The following MYMK variants were observed in gnomAD, a reference collection of about 807,000 sequenced individuals.
The protein encoded by MYMK is myomaker, myoblast fusion factor.
MYMK carries 16 observed loss-of-function variants against 22.4 expected under a neutral mutation model. The ratio of observed to expected loss-of-function variants is 0.72; its 90% confidence interval spans 0.48 to 1.09. The LOEUF (loss-of-function observed/expected upper bound fraction) is 1.09, where lower values mean the gene tolerates loss of function less well. Ranked by LOEUF, MYMK falls within the 50% of genes least tolerant of loss-of-function variation. The pLI is 0.00. For missense variants in MYMK, 250 were observed against 295.6 expected (o/e 0.85, Z 1.13); for synonymous variants, 125 against 127.0 (o/e 0.98, Z 0.11).
At chr9:133,520,944 T>C (rs1412333644) in intron 1 of MYMK, among the ~76,000 whole-genome samples, 2 of 152,124 alleles carry the variant, frequency 1.3e-5, no homozygotes, top group Non-Finnish European at 2.9e-5. Context: ...AAAATGTGCA[T>C]TTTGAACACA....
rs1220399027 is a variant in MYMK, at chr9:133,515,288, C to G, written c.516+203G>C. Among the ~76,000 whole-genome samples the G allele has an allele frequency of 6.6e-6, 1 of 152,186 alleles. No homozygotes were observed. Among genetic ancestry groups the G allele is most frequent in the African/African-American group, 2.4e-5 (1 of 41,440 alleles). ...GGTCTCTGTGACCTCCAGGTCCACA[C>G]AGGCCATGGTGCTGGTGGTGCTGGG... On this transcript the variant is annotated intron_variant, in intron 4 of 4. Transcript: ENST00000339996. The surrounding 1 kb of genome is among the most constrained non-coding windows in gnomAD (Gnocchi z 5.8).
At chr9:133,518,645 G>A (rs909007884) in intron 3 of MYMK, among the ~76,000 whole-genome samples, 8 of 152,186 alleles carry the variant, frequency 5.3e-5, no homozygotes, top group African/African-American at 1.9e-4. Context: ...GAGACATTGG[G>A]TAACTTGGGC....
In MYMK at chr9:133,515,424, C is replaced by T; in HGVS notation, c.516+67G>A. 8.8e-7 allele frequency: 1 copy of T among 1,138,694 alleles called. No homozygotes were observed. Among genetic ancestry groups the T allele is most frequent in the Non-Finnish European group, 1.3e-6 (1 of 761,956 alleles). 70.5% of individuals were successfully genotyped at this position (1,138,694 alleles called of 1,614,324 possible). A position where few individuals can be genotyped will look rare whatever the true frequency, so the allele number is the denominator to read the frequency against. ...CCCAGCGTGGGCACAGCCCTGGTAT[C>T]CCAGCTGAGCAGAGCCATGCCGAGT... On this transcript the variant is annotated intron_variant, in intron 4 of 4. Transcript: ENST00000339996. The surrounding 1 kb of genome is among the most constrained non-coding windows in gnomAD (Gnocchi z 5.8).
rs149445183 is a variant in MYMK at position 133,515,521 on chromosome 9, C to T, written c.486G>A (p.Ala162=). 103 of 1,612,830 alleles carry T rather than the reference C, an allele frequency of 6.4e-5. No homozygotes were observed. Among genetic ancestry groups the T allele is most frequent in the Non-Finnish European group, 8.0e-5 (94 of 1,178,948 alleles). Reference sequence around the variant, plus strand: ...AGAAGAAGCGTAGCATCAGGGCCAGCGCCCCGAAGCAGAGGCCGGGGCCTA... The same window carrying T: ...AGAAGAAGCGTAGCATCAGGGCCAGTGCCCCGAAGCAGAGGCCGGGGCCTA... ...QQIGPGLCFG[A]LALMLRFFFE... Residue 162 remains alanine (A), a synonymous_variant, in exon 4 of 5, where the codon GCG becomes GCA. Coordinates refer to ENST00000339996, the MANE Select transcript of MYMK (RefSeq NM_001080483.3). This position sits in a 1 kb window ranked among gnomAD's most constrained non-coding sequence, Gnocchi z 5.8.
In MYMK at chr9:133,518,954, G is replaced by A. The variant is rs756238583; in HGVS notation, c.319C>T (p.Arg107Trp). 1.1e-5 allele frequency: 18 copies of A among 1,613,868 alleles called. No individual in the cohort carries two copies. Among genetic ancestry groups the A allele is most frequent in the African/African-American group, 9.3e-5 (7 of 74,916 alleles). The change falls in exon 3 of 5, where the codon CGG becomes TGG. Residue 107 changes from arginine to tryptophan, a missense_variant. Arg to Trp is a moderately radical substitution (Grantham distance 101). Transcript: ENST00000339996. ...VMFGVLTIAV[R>W]IYHDRWGYGV... is the part of the protein sequence containing the mutation. ...TAGCCCCATCGGTCATGGTAGATCC[G>A]CACAGCAATGGTCAGGACGCCGAAC...
intron 1 of MYMK, among the ~76,000 whole-genome samples, chr9:133,522,343 C>CG (rs35248143): frequency 0.22 from 30,272 of 139,414 alleles, 3,418 homozygotes; most frequent in East Asian, 0.29. Context: ...GAGTGGCTGT[C>CG]GGGGGGGGGC....
chr9:133,515,484 T>C lies in MYMK; in HGVS notation c.516+7A>G. The C allele has an allele frequency of 6.3e-7, 1 of 1,596,738 alleles. No individual in the cohort carries two copies. Among genetic ancestry groups the C allele is most frequent in the Non-Finnish European group, 8.6e-7 (1 of 1,164,528 alleles). Reference sequence around the variant, plus strand: ...GGCACAGGACACCTCCCCGCTGGGCTTGGTACCTCAAAGAAGAAGCGTAGC... The same window carrying C: ...GGCACAGGACACCTCCCCGCTGGGCCTGGTACCTCAAAGAAGAAGCGTAGC... On this transcript the variant is annotated splice_region_variant and intron_variant, in intron 4 of 4. Transcript: ENST00000339996. The surrounding 1 kb of genome is among the most constrained non-coding windows in gnomAD (Gnocchi z 5.8).
intron 1 of MYMK, among the ~76,000 whole-genome samples, 193 bp from the exon 2 acceptor site, chr9:133,520,481 G>A (rs1327076085): frequency 6.6e-6 from 1 of 152,234 alleles, no homozygotes; most frequent in East Asian, 1.9e-4. Context: ...GGTCCTGTGG[G>A]GATTAAGTGG....
intron 1 of MYMK, among the ~76,000 whole-genome samples, chr9:133,523,597 G>A (rs779245913): frequency 6.6e-6 from 1 of 152,010 alleles, no homozygotes; most frequent in Non-Finnish European, 1.5e-5. Context: ...AGGGGGTACC[G>A]AGACATATAA....
Position 133,515,207 on chromosome 9 carries a change from G to A in MYMK, c.516+284C>T, listed in dbSNP as rs542333994. On this transcript the variant is annotated intron_variant, in intron 4 of 4. Transcript: ENST00000339996. The surrounding 1 kb of genome is among the most constrained non-coding windows in gnomAD (Gnocchi z 5.8). ...CAGGTGTTGGGCACCTGCCCCAGGC[G>A]TCTCCCAGGCTGTGCTGCCGTCTGA... 1.4e-5 allele frequency among the ~76,000 whole-genome samples: 2 copies of A among 141,738 alleles called. No individual in the cohort carries two copies. Among genetic ancestry groups the A allele is most frequent in the South Asian group, 2.6e-4 (1 of 3,822 alleles). 93.0% of individuals were successfully genotyped at this position (141,738 alleles called of 152,430 possible).
intron 3 of MYMK, 98 bp downstream of exon 3, chr9:133,518,776 G>A: frequency 6.8e-7 from 1 of 1,479,056 alleles, no homozygotes; most frequent in South Asian, 1.3e-5. Context: ...GCCTATGAGG[G>A]CAGGAGGTAA....
At chr9:133,520,697 C>A (rs1175141613) in intron 1 of MYMK, among the ~76,000 whole-genome samples, 1 of 152,208 alleles carries the variant, frequency 6.6e-6, no homozygotes, top group Non-Finnish European at 1.5e-5. Flanking sequence ...TTGAAGCACA[C>A]AGCTGCGTGT....
intron 4 of MYMK, 86 bp from the exon 5 acceptor site, chr9:133,514,871 C>T: frequency 2.1e-6 from 3 of 1,447,354 alleles, no homozygotes; most frequent in South Asian, 2.7e-5. Context: ...CCCCTTCAGG[C>T]CCCCGCCTCT....
intron 3 of MYMK, among the ~76,000 whole-genome samples, chr9:133,517,929 G>T (rs1844651389): frequency 6.6e-6 from 1 of 152,236 alleles, no homozygotes; most frequent in South Asian, 2.1e-4. Flanking sequence ...GGCCGGGGCT[G>T]GCAGTGTGGC....
chr9:133,515,744 C>T lies in MYMK; in HGVS notation c.400-137G>A. ...GGCAGGAGAGGAGGCTCAGGAGCCTCCTGCCGCACCCAGCCTCAGATGGCT... is the reference window on the plus strand; with the variant it reads ...GGCAGGAGAGGAGGCTCAGGAGCCTTCTGCCGCACCCAGCCTCAGATGGCT... On this transcript the variant is annotated intron_variant, in intron 3 of 4. Transcript: ENST00000339996. This position sits in a 1 kb window ranked among gnomAD's most constrained non-coding sequence, Gnocchi z 5.8. 1.6e-6 allele frequency: 1 copy of T among 617,940 alleles called. No individual in the cohort carries two copies. Among genetic ancestry groups the T allele is most frequent in the Non-Finnish European group, 2.9e-6 (1 of 346,044 alleles). 38.3% of individuals were successfully genotyped at this position (617,940 alleles called of 1,614,324 possible).
intron 3 of MYMK, among the ~76,000 whole-genome samples, chr9:133,518,060 C>A (rs1460158520): frequency 6.6e-6 from 1 of 152,236 alleles, no homozygotes; most frequent in East Asian, 1.9e-4. Flanking sequence ...CTGCTGCAGG[C>A]CTGGAGAGCA....
At chr9:133,518,732 C>T (rs368794420) in intron 3 of MYMK, 142 bp downstream of exon 3, 65 of 1,081,066 alleles carry the variant, frequency 6.0e-5, no homozygotes, top group Admixed American at 3.0e-4. Flanking sequence ...CTATTTTCTA[C>T]GTGGTTTTGC....
rs773587990 is a variant in MYMK at position 133,524,813 on chromosome 9, G to T, written c.32C>A (p.Pro11His). ...GAGGAAGGCCAGGCTGCTGAGGGTG[G>T]GCAGGAGCAGCTTGGCCACCAGCGT... Reference protein sequence around the residue: MGTLVAKLLLPTLSSLAFLPT... With the variant: MGTLVAKLLLHTLSSLAFLPT... The change falls in exon 1 of 5, where the codon CCC becomes CAC. Residue 11 changes from proline (P) to histidine (H), a missense_variant. Transcript: ENST00000339996. 1.3e-5 allele frequency: 21 copies of T among 1,613,274 alleles called. No homozygotes were observed. Among genetic ancestry groups the T allele is most frequent in the Non-Finnish European group, 1.8e-5 (21 of 1,179,646 alleles).
chr9:133,518,199 G>A (rs918649596), intron 3 of MYMK, among the ~76,000 whole-genome samples: 2 of 152,186 alleles, frequency 1.3e-5, no homozygotes, highest in African/African-American at 2.4e-5. Context: ...TAGCTTGGGC[G>A]AGTTTGAGTG....
Sources: allele counts gnomAD v4.1 joint callset (sites outside exome capture counted in the v4.1 genomes callset), GRCh38; gene constraint gnomAD v4.1.1; non-coding constraint Gnocchi (gnomAD v3.1); transcripts MANE v1.5; gene names NCBI Gene and HGNC (gene_info 2026-07-23, HGNC 2026-07-21).